HIVEP3: variants seen among roughly 807,000 people sequenced by gnomAD.
HIVEP3 encodes HIVEP zinc finger 3.
Under a neutral mutation model 152.8 loss-of-function variants are expected in HIVEP3, and 49 were observed. The observed-to-expected ratio is 0.32, with a 90% CI of 0.26 to 0.41. The LOEUF (loss-of-function observed/expected upper bound fraction) is 0.41, where lower values mean the gene tolerates loss of function less well. Ranked by LOEUF, HIVEP3 falls within the 10% of genes least tolerant of loss-of-function variation. The pLI is 1.00. For missense variants in HIVEP3, 2,790 were observed against 3,103.3 expected, an observed-to-expected ratio of 0.90 and a Z score of 2.40; for synonymous variants, 1,269 against 1,289.0, an observed-to-expected ratio of 0.98 and a Z score of 0.33.
chr1:41,734,625 G>A (rs1335137929), intron 1 of HIVEP3, among the ~76,000 whole-genome samples: 1 of 152,226 alleles, frequency 6.6e-6, no homozygotes, highest in Non-Finnish European at 1.5e-5. Flanking sequence ...GGGGACAGAA[G>A]CCAAGAGACC....
chr1:41,842,392 G>A (rs1446986610), intron 1 of HIVEP3, among the ~76,000 whole-genome samples: 1 of 152,136 alleles, frequency 6.6e-6, no homozygotes, highest in Non-Finnish European at 1.5e-5. Context: ...GCCAGGTTTG[G>A]CAACTCACTC....
chr1:41,947,323 C>G (rs1017859075), intron 1 of HIVEP3, among the ~76,000 whole-genome samples: 4 of 152,236 alleles, frequency 2.6e-5, no homozygotes, highest in Non-Finnish European at 5.9e-5. Flanking sequence ...TACAAGGTTT[C>G]CAAACCAAAG....
At chr1:41,882,292 C>A (rs564057565) in intron 1 of HIVEP3, among the ~76,000 whole-genome samples, 1 of 152,124 alleles carries the variant, frequency 6.6e-6, no homozygotes, top group Non-Finnish European at 1.5e-5. Context: ...GGAAAAGGAT[C>A]GTAAAGACTG....
chr1:41,838,926 G>C (rs1276645632), intron 1 of HIVEP3, among the ~76,000 whole-genome samples: 3 of 152,214 alleles, frequency 2.0e-5, no homozygotes, highest in Non-Finnish European at 4.4e-5. Flanking sequence ...AAGAGCATCT[G>C]ATCAGAGAGC....
At chr1:41,548,862 A>ATTATTTTATT (rs565553917) in intron 5 of HIVEP3, among the ~76,000 whole-genome samples, 24 of 152,052 alleles carry the variant, frequency 1.6e-4, no homozygotes, top group African/African-American at 5.8e-4. Flanking sequence ...TTTCCAACTC[A>ATTATTTTATT]TTATTTTATT....
rs147770465 is a variant in HIVEP3, at chr1:41,727,017, G to A, written c.-800-26022C>T. 3.3e-4 allele frequency among the ~76,000 whole-genome samples: 50 copies of A among 152,310 alleles called. 1 individual carries two copies. In the East Asian group the frequency reaches 8.7e-3, roughly 26 times the overall value. On this transcript the variant is annotated intron_variant, in intron 1 of 8. Transcript: ENST00000372583. ...TTTCTACAGGCTTTGGTGTCTCAGCGCGGGAGGCACAGATGGCGAGGTCTG... is the reference window on the plus strand; with the variant it reads ...TTTCTACAGGCTTTGGTGTCTCAGCACGGGAGGCACAGATGGCGAGGTCTG...
At chr1:41,735,645 C>T (rs1449470558) in intron 1 of HIVEP3, among the ~76,000 whole-genome samples, 1 of 152,180 alleles carries the variant, frequency 6.6e-6, no homozygotes, top group Non-Finnish European at 1.5e-5. Context: ...GATATGTCTC[C>T]AGCCTGGAGA....
At chr1:41,828,414 T>G (rs148379015) in intron 1 of HIVEP3, among the ~76,000 whole-genome samples, 43 of 152,378 alleles carry the variant, frequency 2.8e-4, no homozygotes, top group African/African-American at 9.6e-4. Context: ...ACCGTCCAAA[T>G]GGCATTAGCT....
chr1:41,608,253 G>C (rs1644849410), intron 3 of HIVEP3, among the ~76,000 whole-genome samples: 1 of 152,198 alleles, frequency 6.6e-6, no homozygotes, highest in Non-Finnish European at 1.5e-5. Flanking sequence ...CCGTGGACAG[G>C]AAGTGGCCAG....
chr1:41,697,538 G>A (rs996007493), intron 2 of HIVEP3, among the ~76,000 whole-genome samples: 1 of 152,222 alleles, frequency 6.6e-6, no homozygotes, highest in African/African-American at 2.4e-5. Context: ...GGGCACAAAA[G>A]GCACAGCAAA....
intron 1 of HIVEP3, among the ~76,000 whole-genome samples, chr1:41,770,996 G>GA (rs907857213): frequency 1.3e-4 from 19 of 147,798 alleles, no homozygotes; most frequent in African/African-American, 2.2e-4. Flanking sequence ...CTGTTGGGTA[G>GA]AAAAAAAAAA....
intron 1 of HIVEP3, among the ~76,000 whole-genome samples, chr1:41,704,085 G>C (rs1304848181): frequency 6.6e-6 from 1 of 152,190 alleles, no homozygotes; most frequent in Non-Finnish European, 1.5e-5. Flanking sequence ...TACCTTGAAG[G>C]GATGTTGGGT....
Position 41,513,433 on chromosome 1 carries a change from A to G in HIVEP3, c.5788T>C (p.Ser1930Pro), listed in dbSNP as rs1218170686. The G allele has an allele frequency of 6.2e-7, 1 of 1,612,200 alleles. No homozygotes were observed. Among genetic ancestry groups the G allele is most frequent in the South Asian group, 1.1e-5 (1 of 91,038 alleles). Residue 1930 changes from serine (S) to proline (P), a missense_variant, in exon 8 of 9, where the codon TCC becomes CCC. Around this residue, in one of 9 missense-constraint regions of HIVEP3, gnomAD observed 816 missense variants for 806.5 expected, o/e 1.01. Coordinates refer to ENST00000372583, the MANE Select transcript of HIVEP3 (RefSeq NM_024503.5). ...EAERLTASSC[S>P]MSSQSMPGLP... is the part of the protein sequence containing the mutation. ...CCCGGCATGCTCTGGCTGGACATGG[A>G]GCAGCTGCTGGCTGTCAGGCGCTCA...
chr1:41,523,247 C>A (rs1042404770), intron 6 of HIVEP3, among the ~76,000 whole-genome samples: 1 of 152,214 alleles, frequency 6.6e-6, no homozygotes, highest in Non-Finnish European at 1.5e-5. Context: ...GCGACGCATG[C>A]TGGGCAGGGC....
At chr1:41,702,820 G>C (rs1398277009) in intron 1 of HIVEP3, among the ~76,000 whole-genome samples, 1 of 152,120 alleles carries the variant, frequency 6.6e-6, no homozygotes, top group Non-Finnish European at 1.5e-5. Context: ...TAACTCAAAG[G>C]GCATGGTCAA....
intron 3 of HIVEP3, among the ~76,000 whole-genome samples, chr1:41,593,797 G>A (rs115653819): frequency 0.027 from 4,142 of 152,328 alleles, 256 homozygotes; most frequent in Admixed American, 0.16. Flanking sequence ...TATAGTTCGA[G>A]TGGTCAGACG....
At chr1:41,718,796 ACGTG>A (rs202135251) in intron 1 of HIVEP3, among the ~76,000 whole-genome samples, 7 of 146,988 alleles carry the variant, frequency 4.8e-5, no homozygotes, top group African/African-American at 1.9e-4. Context: ...ACACACACAC[ACGTG>A]CACACACACA....
At chr1:41,844,202 C>G (rs762730316) in intron 1 of HIVEP3, among the ~76,000 whole-genome samples, 20 of 152,168 alleles carry the variant, frequency 1.3e-4, no homozygotes, top group Non-Finnish European at 2.8e-4. Flanking sequence ...AACTGAGAAT[C>G]AGTTCAGCCA....
intron 1 of HIVEP3, among the ~76,000 whole-genome samples, chr1:41,843,774 A>G (rs551588893): frequency 5.3e-5 from 8 of 152,212 alleles, no homozygotes; most frequent in East Asian, 3.9e-4. Flanking sequence ...TTTTTATTAT[A>G]CTTTAAGTTT....
Sources: allele counts gnomAD v4.1 joint callset (sites outside exome capture counted in the v4.1 genomes callset), GRCh38; gene constraint gnomAD v4.1.1; regional missense constraint gnomAD v4.1.1; transcripts MANE v1.5; gene names NCBI Gene and HGNC (gene_info 2026-07-23, HGNC 2026-07-21).